The following GALK2 variants were observed in gnomAD, a reference collection of about 807,000 sequenced individuals.
GALK2 encodes galactokinase 2.
GALK2 carries 36 observed loss-of-function variants against 52.4 expected under a neutral mutation model. The ratio of observed to expected loss-of-function variants is 0.69; its 90% confidence interval spans 0.53 to 0.91. The LOEUF is 0.91. GALK2 is among the 40% of genes least tolerant of loss of function. GALK2 has a pLI of 0.00. For synonymous variants in GALK2, 176 were observed against 199.1 expected (o/e 0.88, Z 0.98); for missense variants, 579 against 559.1 (o/e 1.04, Z -0.36).
At chr15:49,201,426 A>G (rs981671354) in intron 2 of GALK2, among the ~76,000 whole-genome samples, 176 bp downstream of exon 2, 1 of 152,112 alleles carries the variant, frequency 6.6e-6, no homozygotes, top group Non-Finnish European at 1.5e-5. Context: ...TTCCCAATCC[A>G]TGTTATTAGT....
intron 3 of GALK2, among the ~76,000 whole-genome samples, chr15:49,228,688 T>TATATA: frequency 3.8e-4 from 4 of 10,442 alleles, no homozygotes; most frequent in East Asian, 2.3e-3. Flanking sequence ...TATATATATA[T>TATATA]TTTTTTTTTT....
At position 49,329,756 on chromosome 15, in the gene GALK2, C is replaced by T; in HGVS notation, c.*1597C>T. On this transcript the variant is annotated 3_prime_UTR_variant, in exon 10 of 10. Transcript: ENST00000560031. ...TTTTTTAATACCGTGCCATTTTCCA[C>T]AAAGGATTTGTGGTTGGTATATAAT... 1.0e-6 allele frequency: 1 copy of T among 958,134 alleles called. No homozygotes were observed. Among genetic ancestry groups the T allele is most frequent in the East Asian group, 1.2e-4 (1 of 8,498 alleles). 59.4% of individuals were successfully genotyped at this position (958,134 alleles called of 1,614,324 possible). A position where few individuals can be genotyped will look rare whatever the true frequency, so the allele number is the denominator to read the frequency against.
At chr15:49,301,816 G>C (rs1013439742) in intron 8 of GALK2, among the ~76,000 whole-genome samples, 4 of 152,066 alleles carry the variant, frequency 2.6e-5, no homozygotes, top group African/African-American at 7.2e-5. Flanking sequence ...TGACTCATTT[G>C]TTTGCCTTGT....
At chr15:49,351,756 C>A (rs989906291) in intron 3 of GALK2, among the ~76,000 whole-genome samples, 2 of 95,928 alleles carry the variant, frequency 2.1e-5, no homozygotes, top group Non-Finnish European at 4.9e-5. Context: ...CTCAGCTGAC[C>A]CTATAAGGGA....
chr15:49,207,799 C>T (rs2580924), intron 2 of GALK2, among the ~76,000 whole-genome samples: 41,802 of 151,852 alleles, frequency 0.28, 6,251 homozygotes, highest in East Asian at 0.43. Flanking sequence ...TTTTTTGAGA[C>T]GGAGTCTCGC....
chr15:49,165,366 T>C (rs1298461317), upstream of GALK2, among the ~76,000 whole-genome samples: 1 of 152,206 alleles, frequency 6.6e-6, no homozygotes, highest in Admixed American at 6.5e-5. Context: ...ATTTCAGACT[T>C]GCCTAGGGTC....
chr15:49,250,730 G>C (rs2091556918), intron 5 of GALK2, among the ~76,000 whole-genome samples: 1 of 152,096 alleles, frequency 6.6e-6, no homozygotes, highest in Non-Finnish European at 1.5e-5. Flanking sequence ...AACATTCTGT[G>C]ATCCTTCTGA....
intron 3 of GALK2, among the ~76,000 whole-genome samples, chr15:49,232,005 A>G (rs1300693829): frequency 1.3e-5 from 2 of 152,174 alleles, no homozygotes; most frequent in African/African-American, 4.8e-5. Flanking sequence ...TCACAGCTCC[A>G]CTAGGTAGTG....
chr15:49,187,433 T>G (rs755703083), intron 1 of GALK2, among the ~76,000 whole-genome samples: 3 of 152,136 alleles, frequency 2.0e-5, no homozygotes, highest in African/African-American at 7.2e-5. Flanking sequence ...GCAGAAACCA[T>G]GTCATGGTTA....
chr15:49,309,136 T>C (rs1228328797), intron 8 of GALK2, among the ~76,000 whole-genome samples: 1 of 152,222 alleles, frequency 6.6e-6, no homozygotes. Context: ...TAGATTCCAA[T>C]GTCATATCCA....
chr15:49,276,970 C>CTTTT (rs1233754984), intron 5 of GALK2, among the ~76,000 whole-genome samples: 7 of 28,328 alleles, frequency 2.5e-4, no homozygotes, highest in Admixed American at 5.3e-4. Flanking sequence ...TTTTTCTTTT[C>CTTTT]TTTTTTTTTT....
At chr15:49,263,672 C>A (rs2092233666) in intron 5 of GALK2, among the ~76,000 whole-genome samples, 1 of 128,978 alleles carries the variant, frequency 7.8e-6, no homozygotes, top group Non-Finnish European at 1.7e-5. Context: ...TCTCGATGGT[C>A]TTTACATTTT....
intron 3 of GALK2, among the ~76,000 whole-genome samples, chr15:49,235,377 G>A (rs1310285322): frequency 6.6e-6 from 1 of 151,626 alleles, no homozygotes; most frequent in African/African-American, 2.4e-5. Context: ...ATCTTATTTT[G>A]TTAAATTGAT....
intron 5 of GALK2, among the ~76,000 whole-genome samples, chr15:49,251,101 G>C (rs2091578619): frequency 6.6e-6 from 1 of 152,158 alleles, no homozygotes; most frequent in African/African-American, 2.4e-5. Context: ...GTGATAGCTT[G>C]ATACCAAACC....
At position 49,319,205 on chromosome 15, in the gene GALK2, C is replaced by T. The variant is rs149063385; in HGVS notation, c.968-399C>T. 2,517 of 351,962 alleles carry T rather than the reference C, an allele frequency of 7.2e-3. 52 individuals are homozygous for T. The highest frequency in any genetic ancestry group is 0.051 in the African/African-American group (2,363 of 46,454). The allele number at this position is 351,962 out of a possible 1,614,324, so 21.8% of individuals were successfully genotyped here. A position where few individuals can be genotyped will look rare whatever the true frequency, so the allele number is the denominator to read the frequency against. On this transcript the variant is annotated intron_variant, in intron 8 of 9. Transcript: ENST00000560031. Reference sequence around the variant, plus strand: ...CTGACCTCAGATGATCCACCTGCCTCGGCCTCCCAAAGTGCTGGGATTACG... The same window carrying T: ...CTGACCTCAGATGATCCACCTGCCTTGGCCTCCCAAAGTGCTGGGATTACG...
intron 1 of GALK2, among the ~76,000 whole-genome samples, chr15:49,197,238 G>A (rs571925366): frequency 1.3e-5 from 2 of 152,076 alleles, no homozygotes; most frequent in African/African-American, 4.8e-5. Context: ...TTAGTCTTTC[G>A]GAATCACCTT....
At chr15:49,367,123 T>C (rs991591669) in intron 3 of GALK2, among the ~76,000 whole-genome samples, 6 of 152,208 alleles carry the variant, frequency 3.9e-5, no homozygotes, top group African/African-American at 1.4e-4. Context: ...CCATGCCTCA[T>C]AATTCTGACA....
At chr15:49,251,644 G>T (rs1215518930) in intron 5 of GALK2, among the ~76,000 whole-genome samples, 1 of 152,170 alleles carries the variant, frequency 6.6e-6, no homozygotes, top group African/African-American at 2.4e-5. Flanking sequence ...CTTTATGCCA[G>T]TTGATTAGTA....
At chr15:49,260,663 A>T (rs200339077) in intron 5 of GALK2, among the ~76,000 whole-genome samples, 12 of 148,960 alleles carry the variant, frequency 8.1e-5, no homozygotes, top group African/African-American at 2.5e-4. Context: ...CTGAATGGTA[A>T]TGCCTAGGTT....
Sources: allele counts gnomAD v4.1 joint callset (sites outside exome capture counted in the v4.1 genomes callset), GRCh38; gene constraint gnomAD v4.1.1; transcripts MANE v1.5; gene names NCBI Gene and HGNC (gene_info 2026-07-23, HGNC 2026-07-21).